LHFPL4: variants seen among roughly 807,000 people sequenced by gnomAD.
LHFPL4 encodes LHFPL tetraspan subfamily member 4 protein.
A neutral mutation model predicts 20.0 loss-of-function variants in LHFPL4; 6 were observed. That is an observed-to-expected ratio of 0.30 (90% CI 0.16 to 0.59). LHFPL4 has a LOEUF of 0.59. LHFPL4 is among the 20% of genes least tolerant of loss of function. The probability of loss-of-function intolerance (pLI) is 0.88; values close to 1 mark genes in which losing one functional copy is unlikely to be tolerated. For synonymous variants in LHFPL4, 129 were observed against 143.8 expected, an observed-to-expected ratio of 0.90 and a Z score of 0.74; for missense variants, 215 against 331.2, an observed-to-expected ratio of 0.65 and a Z score of 2.72.
At chr3:9,522,635 G>A (rs1276535243) in intron 2 of LHFPL4, among the ~76,000 whole-genome samples, 2 of 151,946 alleles carry the variant, frequency 1.3e-5, no homozygotes, top group African/African-American at 4.8e-5. Flanking sequence ...CAGCTACTCG[G>A]GAGGCTGAGA....
chr3:9,524,782 T>C (rs998411205), intron 2 of LHFPL4, among the ~76,000 whole-genome samples: 1 of 152,266 alleles, frequency 6.6e-6, no homozygotes, highest in Admixed American at 6.5e-5. Flanking sequence ...CTTCAAACTG[T>C]GTTTTTGCCT....
intron 2 of LHFPL4, among the ~76,000 whole-genome samples, chr3:9,540,011 CTT>C (rs1285427466): frequency 6.6e-6 from 1 of 152,092 alleles, no homozygotes; most frequent in African/African-American, 2.4e-5. Flanking sequence ...GGGAGTGTAA[CTT>C]TGTACAACGT....
At chr3:9,505,847 C>A in intron 3 of LHFPL4, 120 bp downstream of exon 3, 1 of 975,452 alleles carries the variant, frequency 1.0e-6, no homozygotes, top group Non-Finnish European at 1.6e-6. Flanking sequence ...GCGTGAGCCA[C>A]CACGCCCAGC....
At chr3:9,508,889 A>G (rs2046238453) in intron 2 of LHFPL4, among the ~76,000 whole-genome samples, 1 of 152,134 alleles carries the variant, frequency 6.6e-6, no homozygotes, top group African/African-American at 2.4e-5. Context: ...ATCTCCAGCA[A>G]GAGGCAGGAG....
Position 9,531,428 on chromosome 3 carries a change from C to G in LHFPL4, c.406+20846G>C, listed in dbSNP as rs939422859. On this transcript the variant is annotated intron_variant, in intron 2 of 3. Transcript: ENST00000287585. ...ATCTATAAGCATGTCTGGAAGGATA[C>G]AGAAGCAGCTTAATGACGGTTACCT... Among the ~76,000 whole-genome samples, 8 of 152,218 alleles carry G rather than the reference C, an allele frequency of 5.3e-5. No homozygotes were observed. The South Asian group carries it at 1.7e-3, about 32-fold the overall frequency.
intron 2 of LHFPL4, among the ~76,000 whole-genome samples, chr3:9,520,663 T>C (rs964533595): frequency 6.6e-6 from 1 of 152,148 alleles, no homozygotes; most frequent in African/African-American, 2.4e-5. Context: ...AGATTTTTTA[T>C]TTGATCCATG....
intron 2 of LHFPL4, among the ~76,000 whole-genome samples, chr3:9,526,576 C>T (rs549123345): frequency 1.3e-5 from 2 of 152,128 alleles, no homozygotes; most frequent in Non-Finnish European, 2.9e-5. Context: ...AGTTTAATTG[C>T]GTTCCCTCAA....
chr3:9,552,693 G>C lies in LHFPL4; in HGVS notation c.-14C>G. ...CGAGGGCAGCATGGTGCCCGGAGGCGGGGCCGGCGGCGGCGGCGGCTGGCG... is the reference window on the plus strand; with the variant it reads ...CGAGGGCAGCATGGTGCCCGGAGGCCGGGCCGGCGGCGGCGGCGGCTGGCG... On this transcript the variant is annotated 5_prime_UTR_variant, in exon 2 of 4. Transcript: ENST00000287585. 7.3e-7 allele frequency: 1 copy of C among 1,369,904 alleles called. No individual in the cohort carries two copies. The highest frequency in any genetic ancestry group is 9.5e-7 in the Non-Finnish European group (1 of 1,057,000). The allele number at this position is 1,369,904 out of a possible 1,614,324, so 84.9% of individuals were successfully genotyped here.
intron 2 of LHFPL4, among the ~76,000 whole-genome samples, chr3:9,538,805 TCTCCTGTCTCAGC>T: frequency 6.6e-6 from 1 of 151,930 alleles, no homozygotes; most frequent in Non-Finnish European, 1.5e-5. Context: ...TTCAAGGGAT[TCTCCTGTCTCAGC>T]CTCCTGAGTA....
Position 9,552,529 on chromosome 3 carries a change from C to T in LHFPL4, c.151G>A (p.Val51Met), listed in dbSNP as rs373908621. The change falls in exon 2 of 4, where the codon GTG becomes ATG. Residue 51 changes from valine (V) to methionine (M), a missense_variant. This residue lies in a region of LHFPL4 where 164 missense variants were observed against 286.7 expected (regional missense o/e 0.57). Transcript: ENST00000287585. ...FIQPYWVGDS[V>M]STPKPGYFGL... ...AAGTAGCCAGGCTTGGGGGTGCTCA[C>T]GCTGTCGCCCACCCAGTAGGGCTGG... 5.6e-6 allele frequency: 9 copies of T among 1,613,806 alleles called. No individual in the cohort carries two copies. Among genetic ancestry groups the T allele is most frequent in the Non-Finnish European group, 7.6e-6 (9 of 1,179,988 alleles).
At position 9,498,976 on chromosome 3, in the gene LHFPL4, G is replaced by A. The variant is rs2046151158; in HGVS notation, c.*3235C>T. ...TCAACTGACCAGACTGTGGGCCAGGGACTGAACCACCCCTAGGCTGTGGCT... is the reference window on the plus strand; with the variant it reads ...TCAACTGACCAGACTGTGGGCCAGGAACTGAACCACCCCTAGGCTGTGGCT... On this transcript the variant is annotated 3_prime_UTR_variant, in exon 4 of 4. Transcript: ENST00000287585. 6.6e-6 allele frequency: 1 copy of A among 152,338 alleles called. No homozygotes were observed. The highest frequency in any genetic ancestry group is 2.4e-5 in the African/African-American group (1 of 41,436). The allele number at this position is 152,338 out of a possible 1,614,324, so 9.4% of individuals were successfully genotyped here. A position where few individuals can be genotyped will look rare whatever the true frequency, so the allele number is the denominator to read the frequency against.
At chr3:9,503,578 A>C (rs919532686) in intron 3 of LHFPL4, among the ~76,000 whole-genome samples, 3 of 152,218 alleles carry the variant, frequency 2.0e-5, no homozygotes, top group Non-Finnish European at 4.4e-5. Context: ...TGGACTTTGG[A>C]CTTGGACCTG....
intron 2 of LHFPL4, among the ~76,000 whole-genome samples, chr3:9,508,206 A>G (rs1574837726): frequency 6.6e-6 from 1 of 152,106 alleles, no homozygotes; most frequent in African/African-American, 2.4e-5. Context: ...CCGGCTTCCA[A>G]CGGAGTGGGC....
chr3:9,536,365 G>A (rs78542193), intron 2 of LHFPL4, among the ~76,000 whole-genome samples: 1,834 of 152,214 alleles, frequency 0.012, 33 homozygotes, highest in African/African-American at 0.042. Context: ...CAGCTCCTAG[G>A]AGGTGACTCC....
At chr3:9,536,504 C>G (rs905890351) in intron 2 of LHFPL4, among the ~76,000 whole-genome samples, 1 of 152,098 alleles carries the variant, frequency 6.6e-6, no homozygotes, top group Non-Finnish European at 1.5e-5. Flanking sequence ...TGTCCAGCAC[C>G]AGACCCCTTC....
intron 2 of LHFPL4, among the ~76,000 whole-genome samples, chr3:9,509,383 G>A (rs559437197): frequency 6.6e-6 from 1 of 150,918 alleles, no homozygotes; most frequent in South Asian, 2.1e-4. Flanking sequence ...TTCTTTTCTC[G>A]CTTCTCTATA....
intron 2 of LHFPL4, among the ~76,000 whole-genome samples, chr3:9,549,734 A>G (rs2046541057): frequency 6.6e-6 from 1 of 152,106 alleles, no homozygotes; most frequent in Non-Finnish European, 1.5e-5. Context: ...ACAAAATCAT[A>G]TGAGAGGCAC....
intron 2 of LHFPL4, among the ~76,000 whole-genome samples, chr3:9,549,763 A>C (rs2046541340): frequency 6.6e-6 from 1 of 152,212 alleles, no homozygotes; most frequent in Non-Finnish European, 1.5e-5. Context: ...TTATCTGACA[A>C]AAACAGAGCC....
intron 2 of LHFPL4, among the ~76,000 whole-genome samples, chr3:9,537,546 C>T (rs969886232): frequency 6.6e-6 from 1 of 152,156 alleles, no homozygotes; most frequent in Admixed American, 6.6e-5. Flanking sequence ...CCTCAGGGTA[C>T]CCCTATTGTC....
Sources: allele counts gnomAD v4.1 joint callset (sites outside exome capture counted in the v4.1 genomes callset), GRCh38; gene constraint gnomAD v4.1.1; regional missense constraint gnomAD v4.1.1; transcripts MANE v1.5; gene names NCBI Gene and HGNC (gene_info 2026-07-23, HGNC 2026-07-21).